Variants in BCL9L observed in about 807,000 individuals in gnomAD.
BCL9L encodes the protein BCL9 like.
In BCL9L, 19 loss-of-function variants were observed where a neutral mutation model predicts 99.4. That is an observed-to-expected ratio of 0.19 (90% confidence interval 0.13 to 0.28). The LOEUF (loss-of-function observed/expected upper bound fraction) is 0.28. BCL9L is among the 10% of genes least tolerant of loss of function. The pLI is 1.00. For synonymous variants in BCL9L, 900 were observed against 854.8 expected (o/e 1.05, Z -0.92); for missense variants, 2,023 against 2,101.6 (o/e 0.96, Z 0.73).
Position 118,898,852 on chromosome 11 carries a change from G to GGGGCT in BCL9L, c.4058_4062dup (p.Pro1355SerfsTer8). On this transcript the variant is annotated frameshift_variant, in exon 10 of 10. Coordinates refer to ENST00000683865, the MANE Select transcript of BCL9L (RefSeq NM_001378213.1). LOFTEE classifies it high-confidence loss of function. ...TGCAGGTTCATGAGATGCAGATTAGGGGGCTGAGCCTTGGGGGGCTGGTTC... is the reference window on the plus strand; with the variant it reads ...TGCAGGTTCATGAGATGCAGATTAGGGGGCTGGGCTGAGCCTTGGGGGGCTGGTTC... 6.2e-7 allele frequency: 1 copy of GGGGCT among 1,614,110 alleles called. No homozygotes were observed. Among genetic ancestry groups the GGGGCT allele is most frequent in the Non-Finnish European group, 8.5e-7 (1 of 1,180,004 alleles).
intron 1 of BCL9L, among the ~76,000 whole-genome samples, chr11:118,923,649 A>G (rs1941205643): frequency 6.6e-6 from 1 of 152,120 alleles, no homozygotes; most frequent in South Asian, 2.1e-4. Context: ...TCTGGATCCA[A>G]GATTTTAGGT....
rs1358710450 is a variant in BCL9L at position 118,899,235 on chromosome 11, G to A, written c.3680C>T (p.Pro1227Leu). ...GGGCTGCTGCAGCCGAGGGGGGAAGGGCATCATCTGGGAGGAGCTGGGCAC... is the reference window on the plus strand; with the variant it reads ...GGGCTGCTGCAGCCGAGGGGGGAAGAGCATCATCTGGGAGGAGCTGGGCAC... ...GPVPSSSQMM[P>L]FPPRLQQPHG... The change falls in exon 10 of 10, where the codon CCC becomes CTC. Residue 1227 changes from proline to leucine, a missense_variant. Physicochemically the swap from Pro to Leu is moderately conservative, Grantham distance 98. This residue lies in a region of BCL9L where 902 missense variants were observed against 888.2 expected (regional missense o/e 1.02). Transcript: ENST00000683865. The A allele has an allele frequency of 2.0e-6, 3 of 1,513,786 alleles. No individual in the cohort carries two copies. The highest frequency in any genetic ancestry group is 2.6e-6 in the Non-Finnish European group (3 of 1,132,358). 93.8% of individuals were successfully genotyped at this position (1,513,786 alleles called of 1,614,324 possible). A position where few individuals can be genotyped will look rare whatever the true frequency, so the allele number is the denominator to read the frequency against.
rs1299321861 is a variant in BCL9L at position 118,908,562 on chromosome 11, T to C, written c.120A>G (p.Pro40=). The change falls in exon 4 of 10, where the codon CCA becomes CCG. Residue 40 remains proline, a synonymous_variant. Coordinates refer to ENST00000683865, the MANE Select transcript of BCL9L (RefSeq NM_001378213.1). Reference sequence around the variant, plus strand: ...TGCCATGATTGGTCAATTTATTTTCTGGGTGCATTGGCTTGGCTGGGGCAG... The same window carrying C: ...TGCCATGATTGGTCAATTTATTTTCCGGGTGCATTGGCTTGGCTGGGGCAG... The part of the protein sequence containing the change: ...CPPAPAKPMH[P]ENKLTNHGKT... 3.1e-6 allele frequency: 5 copies of C among 1,614,104 alleles called. No individual in the cohort carries two copies. Among genetic ancestry groups the C allele is most frequent in the Non-Finnish European group, 4.2e-6 (5 of 1,179,982 alleles).
chr11:118,915,554 G>C (rs994269203), intron 2 of BCL9L, among the ~76,000 whole-genome samples: 5 of 152,108 alleles, frequency 3.3e-5, no homozygotes, highest in Admixed American at 2.6e-4. Flanking sequence ...TGGGCTCACC[G>C]ACACACTCAA....
At chr11:118,907,730 G>C in intron 4 of BCL9L, 128 bp from the exon 5 acceptor site, 2 of 1,419,346 alleles carry the variant, frequency 1.4e-6, no homozygotes, top group Non-Finnish European at 1.9e-6. Flanking sequence ...GCCATGGTGG[G>C]CACTTCGCCA....
intron 2 of BCL9L, among the ~76,000 whole-genome samples, chr11:118,917,918 C>G (rs995944053): frequency 2.0e-5 from 3 of 152,130 alleles, no homozygotes; most frequent in Non-Finnish European, 4.4e-5. Context: ...AGGTGGGGGT[C>G]AAAGGTCAAG....
intron 5 of BCL9L, among the ~76,000 whole-genome samples, chr11:118,906,904 C>T (rs765044796): frequency 3.9e-5 from 6 of 152,172 alleles, no homozygotes; most frequent in Non-Finnish European, 7.3e-5. Context: ...ACAAGCTTCC[C>T]AGGGGCAGGG....
chr11:118,907,006 C>T (rs541419904), intron 5 of BCL9L, among the ~76,000 whole-genome samples: 2 of 152,318 alleles, frequency 1.3e-5, no homozygotes, highest in South Asian at 2.1e-4. Flanking sequence ...TCCCTCCACA[C>T]CCACTTCTTG....
intron 5 of BCL9L, among the ~76,000 whole-genome samples, chr11:118,904,364 T>C (rs532281657): frequency 3.6e-4 from 54 of 151,942 alleles, no homozygotes; most frequent in African/African-American, 1.3e-3. Flanking sequence ...TGCTTGAACT[T>C]AGGAGGTGGA....
Position 118,901,284 on chromosome 11 carries a change from A to C in BCL9L, c.2459T>G (p.Val820Gly), listed in dbSNP as rs1591978779. ...CACGCCACTGCTGTTCTGGGCCCGA[A>C]CCCGGGCCATCTCCTCAGGACTGAG... ...QGLSPEEMAR[V>G]RAQNSSGVMG... is the part of the protein sequence containing the mutation. The change falls in exon 8 of 10, where the codon GTT (valine) becomes GGT (glycine). Residue 820 changes from valine (V) to glycine (G), a missense_variant. Transcript: ENST00000683865. The surrounding 1 kb of genome is among the most constrained non-coding windows in gnomAD (Gnocchi z 6.6). 1 of 1,613,898 alleles carries C rather than the reference A, an allele frequency of 6.2e-7. No individual in the cohort carries two copies. Among genetic ancestry groups the C allele is most frequent in the South Asian group, 1.1e-5 (1 of 91,086 alleles).
Position 118,916,072 on chromosome 11 carries a change from G to C in BCL9L, c.-77+2754C>G, listed in dbSNP as rs961084187. 7.9e-5 allele frequency among the ~76,000 whole-genome samples: 12 copies of C among 152,198 alleles called. 1 individual carries two copies. Among genetic ancestry groups the C allele is most frequent in the Admixed American group, 7.2e-4 (11 of 15,284 alleles). ...CAAAAATAGCCCCAGCCTGCCCAAG[G>C]AACAGGCCCCAGGGGCTGGGCACAG... On this transcript the variant is annotated intron_variant, in intron 2 of 9. Coordinates refer to ENST00000683865, the MANE Select transcript of BCL9L (RefSeq NM_001378213.1).
chr11:118,922,622 G>A lies in BCL9L; in HGVS notation c.-131+2616C>T, dbSNP rs749756882. The stretch of plus-strand genomic sequence containing the variant: ...GGCCTGGCAGAGGCTCCCTGCCCGC[G>A]GCACCCAGCCTGTACCCGCTTGGCT... On this transcript the variant is annotated intron_variant, in intron 1 of 9. Transcript: ENST00000683865. This position sits in a 1 kb window ranked among gnomAD's most constrained non-coding sequence, Gnocchi z 6.2. Among the ~76,000 whole-genome samples, 5 of 151,918 alleles carry A rather than the reference G, an allele frequency of 3.3e-5. No individual in the cohort carries two copies. The highest frequency in any genetic ancestry group is 1.9e-4 in the East Asian group (1 of 5,132).
In BCL9L at chr11:118,913,410, T is replaced by C. The variant is rs1453257018; in HGVS notation, c.-76-3395A>G. Among the ~76,000 whole-genome samples, 9 of 152,112 alleles carry C rather than the reference T, an allele frequency of 5.9e-5. No homozygotes were observed. In the East Asian group the frequency reaches 1.7e-3, roughly 29 times the overall value. On this transcript the variant is annotated intron_variant, in intron 2 of 9. Coordinates refer to ENST00000683865, the MANE Select transcript of BCL9L (RefSeq NM_001378213.1). Reference sequence around the variant, plus strand: ...CCCTTCTGGAGCCTGCACAGACAAGTGGCATTGCTTGGACAGGCCTGAGGT... The same window carrying C: ...CCCTTCTGGAGCCTGCACAGACAAGCGGCATTGCTTGGACAGGCCTGAGGT...
At chr11:118,909,153 AAAACGCACACC>A (rs1300448703) in intron 3 of BCL9L, among the ~76,000 whole-genome samples, 1 of 152,214 alleles carries the variant, frequency 6.6e-6, no homozygotes, top group Non-Finnish European at 1.5e-5. Context: ...GGACAGTGGG[AAAACGCACACC>A]AGGGAGTGCT....
intron 2 of BCL9L, chr11:118,911,176 C>T: frequency 4.4e-6 from 2 of 453,174 alleles, no homozygotes; most frequent in Non-Finnish European, 8.9e-6. Flanking sequence ...CCAGCCCTGG[C>T]TCCCCCCTCG....
In BCL9L at chr11:118,903,849, C is replaced by G. The variant is rs191337042; in HGVS notation, c.533-397G>C. ...ACCCAGGGCCGGGACTCTGAAGCTC[C>G]GCTCTGAGCTGCTGCCCCTCTCACT... On this transcript the variant is annotated intron_variant, in intron 5 of 9. Coordinates refer to ENST00000683865, the MANE Select transcript of BCL9L (RefSeq NM_001378213.1). This position sits in a 1 kb window ranked among gnomAD's most constrained non-coding sequence, Gnocchi z 5.6. Among the ~76,000 whole-genome samples, 15 of 152,288 alleles carry G rather than the reference C, an allele frequency of 9.8e-5. No homozygotes were observed. The highest frequency in any genetic ancestry group is 3.6e-4 in the African/African-American group (15 of 41,556).
At chr11:118,920,823 G>T (rs12271856) in intron 1 of BCL9L, among the ~76,000 whole-genome samples, 11,947 of 152,214 alleles carry the variant, frequency 0.078, 687 homozygotes, top group African/African-American at 0.15. Context: ...CCACGGAACT[G>T]CCAGAAGCCT....
In BCL9L at chr11:118,921,604, G is replaced by A. The variant is rs546042779; in HGVS notation, c.-130-2725C>T. Reference sequence around the variant, plus strand: ...GGAGTCCCAGCTCTGGTGGAAGGGGGCCTAGAATAAAACACCAGGGTTAGG... The same window carrying A: ...GGAGTCCCAGCTCTGGTGGAAGGGGACCTAGAATAAAACACCAGGGTTAGG... On this transcript the variant is annotated intron_variant, in intron 1 of 9. Coordinates refer to ENST00000683865, the MANE Select transcript of BCL9L (RefSeq NM_001378213.1). This position sits in a 1 kb window ranked among gnomAD's most constrained non-coding sequence, Gnocchi z 5.4. Among the ~76,000 whole-genome samples the A allele has an allele frequency of 6.6e-6, 1 of 152,216 alleles. No homozygotes were observed. Among genetic ancestry groups the A allele is most frequent in the South Asian group, 2.1e-4 (1 of 4,822 alleles).
At chr11:118,917,366 T>A (rs1208541906) in intron 2 of BCL9L, among the ~76,000 whole-genome samples, 1 of 152,220 alleles carries the variant, frequency 6.6e-6, no homozygotes, top group Non-Finnish European at 1.5e-5. Context: ...ATGCTTCACG[T>A]GCATCCTCTA....
Sources: allele counts gnomAD v4.1 joint callset (sites outside exome capture counted in the v4.1 genomes callset), GRCh38; gene constraint gnomAD v4.1.1; regional missense constraint gnomAD v4.1.1; non-coding constraint Gnocchi (gnomAD v3.1); transcripts MANE v1.5; gene names NCBI Gene and HGNC (gene_info 2026-07-23, HGNC 2026-07-21).